The following PCDH15 variants were observed in gnomAD, a reference collection of about 807,000 sequenced individuals.
PCDH15 encodes protocadherin related 15.
PCDH15 carries 129 observed loss-of-function variants against 178.5 expected under a neutral mutation model. That is an observed-to-expected ratio of 0.72 (90% confidence interval 0.63 to 0.84). PCDH15 has a LOEUF of 0.84. PCDH15 is among the 40% of genes least tolerant of loss of function. The probability of loss-of-function intolerance (pLI) is 0.00; values close to 1 mark genes in which losing one functional copy is unlikely to be tolerated. For synonymous variants in PCDH15, 800 were observed against 732.0 expected (o/e 1.09, Z -1.50); for missense variants, 2,230 against 2,099.9 (o/e 1.06, Z -1.21).
chr10:53,976,586 C>T (rs1213020151), intron 21 of PCDH15, among the ~76,000 whole-genome samples: 2 of 152,092 alleles, frequency 1.3e-5, no homozygotes, highest in African/African-American at 2.4e-5. Flanking sequence ...TACTCTATCA[C>T]TATTATTTTT....
chr10:54,937,787 T>C (rs548352214), intron 2 of PCDH15, among the ~76,000 whole-genome samples: 1 of 152,198 alleles, frequency 6.6e-6, no homozygotes, highest in African/African-American at 2.4e-5. Flanking sequence ...TGCAAAATTA[T>C]GTCATCTTCA....
At chr10:54,661,877 C>T (rs931403758) in intron 2 of PCDH15, among the ~76,000 whole-genome samples, 15 of 151,890 alleles carry the variant, frequency 9.9e-5, no homozygotes, top group African/African-American at 2.4e-4. Context: ...AACTTCACTC[C>T]TATCTCTCAC....
intron 29 of PCDH15, among the ~76,000 whole-genome samples, chr10:53,834,866 A>C (rs2077214824): frequency 6.6e-6 from 1 of 152,200 alleles, no homozygotes; most frequent in African/African-American, 2.4e-5. Context: ...TGCAATGTAC[A>C]TATGAATGTA....
At chr10:55,528,591 G>T (rs1357522373) in intron 2 of PCDH15, among the ~76,000 whole-genome samples, 1 of 152,082 alleles carries the variant, frequency 6.6e-6, no homozygotes, top group Non-Finnish European at 1.5e-5. Context: ...ATTCCATGGT[G>T]TATATGTGCC....
At chr10:54,599,207 TA>T (rs2092400173) in intron 2 of PCDH15, among the ~76,000 whole-genome samples, 1 of 152,108 alleles carries the variant, frequency 6.6e-6, no homozygotes, top group East Asian at 1.9e-4. Context: ...AAGGGAATCT[TA>T]AGCACAAAGA....
At chr10:54,373,606 A>G (rs527753879) in intron 4 of PCDH15, among the ~76,000 whole-genome samples, 26 of 152,154 alleles carry the variant, frequency 1.7e-4, no homozygotes, top group Non-Finnish European at 2.9e-4. Flanking sequence ...AAGGACATTC[A>G]GTCTATTTAA....
rs1300315608 is a variant in PCDH15 at position 54,863,535 on chromosome 10, C to T, written c.-29+33915G>A. 2.6e-5 allele frequency among the ~76,000 whole-genome samples: 4 copies of T among 152,270 alleles called. No homozygotes were observed. In the East Asian group the frequency reaches 5.8e-4, roughly 22 times the overall value. On this transcript the variant is annotated intron_variant, in intron 3 of 5. Transcript: ENST00000458638. ...CCAGCCTGGGTGCCAGAGCGAGACT[C>T]CGTCTCAAAATAATATATATATTTG...
At chr10:54,063,075 C>A (rs1399414589) in intron 18 of PCDH15, among the ~76,000 whole-genome samples, 1 of 152,100 alleles carries the variant, frequency 6.6e-6, no homozygotes, top group Non-Finnish European at 1.5e-5. Flanking sequence ...TTAGTTCAAG[C>A]CTCATATGCC....
intron 1 of PCDH15, among the ~76,000 whole-genome samples, chr10:55,316,938 T>G (rs945573882): frequency 6.6e-6 from 1 of 152,220 alleles, no homozygotes; most frequent in Non-Finnish European, 1.5e-5. Context: ...ATTTGAAATC[T>G]GACTAGATTC....
chr10:54,389,444 G>A (rs1172706992), intron 3 of PCDH15, among the ~76,000 whole-genome samples: 6 of 152,170 alleles, frequency 3.9e-5, no homozygotes, highest in Non-Finnish European at 4.4e-5. Context: ...GAGTAGGAGG[G>A]TAGAGCCGTC....
intron 21 of PCDH15, among the ~76,000 whole-genome samples, chr10:53,977,995 T>C (rs1473092072): frequency 1.3e-5 from 2 of 152,170 alleles, no homozygotes; most frequent in Admixed American, 1.3e-4. Context: ...GGCTTTGCAG[T>C]GTATAGCCCC....
intron 2 of PCDH15, among the ~76,000 whole-genome samples, chr10:55,500,330 A>G (rs1042904659): frequency 1.3e-5 from 2 of 151,282 alleles, no homozygotes; most frequent in South Asian, 4.2e-4. Flanking sequence ...AAGCAATTAC[A>G]TGAAACAGTA....
At chr10:55,369,171 T>C (rs898079497) in intron 2 of PCDH15, among the ~76,000 whole-genome samples, 7 of 151,960 alleles carry the variant, frequency 4.6e-5, no homozygotes, top group African/African-American at 7.2e-5. Flanking sequence ...AAAGCAAGTA[T>C]AGGATATTGA....
At chr10:54,052,280 C>T (rs1016974363) in intron 18 of PCDH15, among the ~76,000 whole-genome samples, 19 of 152,258 alleles carry the variant, frequency 1.2e-4, no homozygotes, top group African/African-American at 3.6e-4. Flanking sequence ...CTAGAAAAGC[C>T]GCAGGCACTC....
At chr10:54,095,346 A>T (rs2094682897) in intron 15 of PCDH15, among the ~76,000 whole-genome samples, 1 of 151,996 alleles carries the variant, frequency 6.6e-6, no homozygotes, top group South Asian at 2.1e-4. Context: ...TTATTTTGTC[A>T]TTCATAATGA....
chr10:54,380,364 A>G (rs1289730345), intron 3 of PCDH15, among the ~76,000 whole-genome samples: 1 of 151,762 alleles, frequency 6.6e-6, no homozygotes, highest in Non-Finnish European at 1.5e-5. Flanking sequence ...CAAAGTATAG[A>G]TCAGATATTG....
At chr10:54,833,728 T>C (rs986255620) in intron 3 of PCDH15, among the ~76,000 whole-genome samples, 2 of 152,158 alleles carry the variant, frequency 1.3e-5, no homozygotes, top group Non-Finnish European at 2.9e-5. Context: ...TCTGTTGCTA[T>C]GGAGAAACTT....
intron 2 of PCDH15, among the ~76,000 whole-genome samples, chr10:55,022,645 T>C (rs115421224): frequency 0.011 from 1,704 of 151,668 alleles, 30 homozygotes; most frequent in African/African-American, 0.039. Context: ...AATCATTATC[T>C]CAGAAAAATA....
At position 54,666,415 on chromosome 10, in the gene PCDH15, A is replaced by G. The variant is rs1434524145; in HGVS notation, c.-28-2125T>C. Among the ~76,000 whole-genome samples, 6 of 152,136 alleles carry G rather than the reference A, an allele frequency of 3.9e-5. No individual in the cohort carries two copies. In the South Asian group the frequency reaches 1.2e-3, roughly 31 times the overall value. ...TCATTCCATTAGAGAAAAGTATTGG[A>G]AAAATTCCCAGAAAACACAGGGCTC... is the stretch of plus-strand genomic sequence containing the variant. On this transcript the variant is annotated intron_variant, in intron 1 of 37. Transcript: ENST00000644397.
Sources: allele counts gnomAD v4.1 joint callset (sites outside exome capture counted in the v4.1 genomes callset), GRCh38; gene constraint gnomAD v4.1.1; transcripts MANE v1.5; gene names NCBI Gene and HGNC (gene_info 2026-07-23, HGNC 2026-07-21).